GPM6A: variants seen among roughly 807,000 people sequenced by gnomAD.
GPM6A encodes neuronal membrane glycoprotein M6-a.
GPM6A carries 7 observed loss-of-function variants against 32.1 expected under a neutral mutation model. The ratio of observed to expected loss-of-function variants is 0.22; its 90% CI spans 0.12 to 0.41. The LOEUF (loss-of-function observed/expected upper bound fraction) is 0.41, where lower values mean the gene tolerates loss of function less well. Ranked by LOEUF, GPM6A falls within the 10% of genes least tolerant of loss-of-function variation. The pLI is 1.00. For missense variants in GPM6A, 235 were observed against 347.2 expected (o/e 0.68, Z 2.57); for synonymous variants, 130 against 123.4 (o/e 1.05, Z -0.35).
intron 1 of GPM6A, among the ~76,000 whole-genome samples, chr4:175,948,787 A>G (rs912082414): frequency 1.4e-4 from 19 of 137,670 alleles, no homozygotes; most frequent in Admixed American, 5.5e-4. Flanking sequence ...CTATGGACTC[A>G]TGCCCCTACG....
At chr4:175,914,291 T>C (rs1012855405) in intron 1 of GPM6A, among the ~76,000 whole-genome samples, 3 of 152,174 alleles carry the variant, frequency 2.0e-5, no homozygotes, top group Non-Finnish European at 4.4e-5. Context: ...ATCATGCATT[T>C]GTTTCATGCT....
chr4:175,853,515 T>C (rs572251424), intron 1 of GPM6A, among the ~76,000 whole-genome samples: 1 of 151,218 alleles, frequency 6.6e-6, no homozygotes, highest in African/African-American at 2.4e-5. Flanking sequence ...TTTTTTTTTT[T>C]TTTTTTAGCT....
At chr4:175,809,507 G>A (rs1026895057) in intron 1 of GPM6A, among the ~76,000 whole-genome samples, 4 of 151,614 alleles carry the variant, frequency 2.6e-5, no homozygotes, top group Non-Finnish European at 5.9e-5. Context: ...ATTCCCCTCA[G>A]CATAATGAGA....
At chr4:175,779,233 A>G (rs1052654585) in intron 1 of GPM6A, among the ~76,000 whole-genome samples, 1 of 152,074 alleles carries the variant, frequency 6.6e-6, no homozygotes, top group Non-Finnish European at 1.5e-5. Flanking sequence ...GCTTGATGCA[A>G]TCGTTACCCA....
At chr4:175,810,420 AC>A (rs1248532460) in intron 1 of GPM6A, among the ~76,000 whole-genome samples, 1 of 152,162 alleles carries the variant, frequency 6.6e-6, no homozygotes, top group African/African-American at 2.4e-5. Flanking sequence ...GCTTTCCACC[AC>A]TGCTGCTGGT....
At chr4:175,969,654 T>C (rs931034239) in intron 1 of GPM6A, among the ~76,000 whole-genome samples, 2 of 152,132 alleles carry the variant, frequency 1.3e-5, no homozygotes, top group Non-Finnish European at 2.9e-5. Context: ...AAGGTTGTAG[T>C]GAGCAGAGAT....
In GPM6A at chr4:175,862,410, T is replaced by A. The variant is rs552851084; in HGVS notation, c.-22-50161A>T. Among the ~76,000 whole-genome samples the A allele has an allele frequency of 9.6e-4, 147 of 152,336 alleles. 4 individuals carry two copies. The South Asian group carries it at 0.028, about 29-fold the overall frequency. On this transcript the variant is annotated intron_variant, in intron 1 of 7. Coordinates refer to the GPM6A transcript ENST00000280187. ...TCATACACTATTAATACATTCTTTT[T>A]AATTTATTTTTGCTCAACATTATGT...
intron 2 of GPM6A, among the ~76,000 whole-genome samples, chr4:175,674,281 G>A (rs965990266): frequency 1.3e-5 from 2 of 152,122 alleles, no homozygotes; most frequent in Non-Finnish European, 2.9e-5. Flanking sequence ...GTGTTCAAGT[G>A]ATTCTCCTGC....
At chr4:175,734,910 C>A (rs1206305641) in intron 1 of GPM6A, among the ~76,000 whole-genome samples, 1 of 152,032 alleles carries the variant, frequency 6.6e-6, no homozygotes, top group Non-Finnish European at 1.5e-5. Flanking sequence ...TATTTGAGCC[C>A]TTTTATACCC....
intron 2 of GPM6A, among the ~76,000 whole-genome samples, chr4:175,681,637 G>A (rs192886447): frequency 6.7e-4 from 102 of 152,090 alleles, no homozygotes; most frequent in African/African-American, 2.3e-3. Context: ...TTAAGAGGGT[G>A]TAGCACCTCC....
intron 1 of GPM6A, among the ~76,000 whole-genome samples, chr4:175,752,937 G>A (rs531753244): frequency 2.6e-5 from 4 of 152,256 alleles, no homozygotes; most frequent in African/African-American, 9.6e-5. Context: ...GACAACGTGT[G>A]AACAACTAAA....
At chr4:175,912,087 GA>G (rs750727864) in intron 1 of GPM6A, among the ~76,000 whole-genome samples, 2 of 152,094 alleles carry the variant, frequency 1.3e-5, no homozygotes, top group South Asian at 2.1e-4. Context: ...AGAAAAGAGA[GA>G]GAAGTTTGGA....
At chr4:175,814,541 A>G (rs1482247318), upstream of GPM6A, among the ~76,000 whole-genome samples, 2 of 152,232 alleles carry the variant, frequency 1.3e-5, no homozygotes, top group African/African-American at 4.8e-5. Context: ...GAAATTTTAA[A>G]AATATTCATG....
intron 1 of GPM6A, among the ~76,000 whole-genome samples, chr4:175,715,649 C>T (rs370699481): frequency 6.6e-6 from 1 of 152,162 alleles, no homozygotes; most frequent in East Asian, 1.9e-4. Context: ...GAAATTTCCA[C>T]CCAAATGACT....
At chr4:175,951,975 G>GGC (rs1333955727) in intron 1 of GPM6A, among the ~76,000 whole-genome samples, 1 of 152,198 alleles carries the variant, frequency 6.6e-6, no homozygotes, top group African/African-American at 2.4e-5. Flanking sequence ...GCAGCCTGCT[G>GGC]GCAGCCATGC....
chr4:175,784,046 T>C (rs1164586462), intron 1 of GPM6A, among the ~76,000 whole-genome samples: 2 of 152,050 alleles, frequency 1.3e-5, no homozygotes, highest in Admixed American at 1.3e-4. Flanking sequence ...AACTTCAAAG[T>C]GAAGTAACCT....
At chr4:175,855,609 C>T (rs1736392497) in intron 1 of GPM6A, among the ~76,000 whole-genome samples, 1 of 152,068 alleles carries the variant, frequency 6.6e-6, no homozygotes, top group South Asian at 2.1e-4. Flanking sequence ...GATAACAATT[C>T]TAATAGTACT....
chr4:175,809,782 T>C lies in GPM6A; in HGVS notation c.37+2409A>G, dbSNP rs1258096582. Among the ~76,000 whole-genome samples, 2 of 152,238 alleles carry C rather than the reference T, an allele frequency of 1.3e-5. 1 individual carries two copies. Among genetic ancestry groups the C allele is most frequent in the South Asian group, 4.1e-4 (2 of 4,836 alleles). ...AATATATTTCTTAAGACGGATGATC[T>C]TTTTAAATGCTTAAACACCAAGTAT... On this transcript the variant is annotated intron_variant, in intron 1 of 6. Transcript: ENST00000393658.
rs147239517 is a variant in GPM6A at position 175,680,047 on chromosome 4, C to T, written c.231-6211G>A. Among the ~76,000 whole-genome samples, 325 of 152,188 alleles carry T rather than the reference C, an allele frequency of 2.1e-3. 1 individual carries two copies. Among genetic ancestry groups the T allele is most frequent in the Middle Eastern group, 0.017 (5 of 294 alleles). On this transcript the variant is annotated intron_variant, in intron 2 of 6. Transcript: ENST00000393658. ...AAATGTTGTGTCTTTACCTTTAGGT[C>T]TTTTTATTGTATCAAGGTAAGAAAC... is the stretch of plus-strand genomic sequence containing the variant.
Sources: allele counts gnomAD v4.1 joint callset (sites outside exome capture counted in the v4.1 genomes callset), GRCh38; gene constraint gnomAD v4.1.1; transcripts MANE v1.5; gene names NCBI Gene and HGNC (gene_info 2026-07-23, HGNC 2026-07-21).